The following WDR33 variants were observed in gnomAD, a reference collection of about 807,000 sequenced individuals.
WDR33 encodes WD repeat domain 33, also known as pre-mRNA 3' end processing protein WDR33.
WDR33 carries 47 observed loss-of-function variants against 164.9 expected under a neutral mutation model. The observed-to-expected ratio is 0.29, with a 90% confidence interval of 0.23 to 0.36. The LOEUF (loss-of-function observed/expected upper bound fraction) is 0.36, where lower values mean the gene tolerates loss of function less well. Ranked by LOEUF, WDR33 falls within the 10% of genes least tolerant of loss-of-function variation. The pLI, the probability that WDR33 is intolerant of heterozygous loss-of-function variation, is 1.00. For missense variants in WDR33, 1,137 were observed against 1,754.1 expected, an observed-to-expected ratio of 0.65 and a Z score of 6.28; for synonymous variants, 505 against 589.0, an observed-to-expected ratio of 0.86 and a Z score of 2.06.
rs559829894 is a variant in WDR33 at position 127,713,026 on chromosome 2, G to C, written c.3308+557C>G. On this transcript the variant is annotated intron_variant, in intron 18 of 21. Coordinates refer to ENST00000322313, the MANE Select transcript of WDR33 (RefSeq NM_018383.5). This position sits in a 1 kb window ranked among gnomAD's most constrained non-coding sequence, Gnocchi z 6.2. ...CCTGCCTCAGCCACCCAAAGTGCTG[G>C]GATTACAGGCGTGAGCCACTGGTCC... 6.6e-6 allele frequency among the ~76,000 whole-genome samples: 1 copy of C among 152,286 alleles called. No homozygotes were observed. The highest frequency in any genetic ancestry group is 6.5e-5 in the Admixed American group (1 of 15,306).
rs1255565685 is a variant in WDR33, at chr2:127,714,788, C to T, written c.2870-767G>A. Among the ~76,000 whole-genome samples the T allele has an allele frequency of 6.6e-6, 1 of 152,154 alleles. No individual in the cohort carries two copies. The highest frequency in any genetic ancestry group is 1.5e-5 in the Non-Finnish European group (1 of 68,014). Reference sequence around the variant, plus strand: ...TGTGATGGTTAACTTAGTTCACCTCCTAACTTGGAAGGGACTGTTTTTCCA... The same window carrying T: ...TGTGATGGTTAACTTAGTTCACCTCTTAACTTGGAAGGGACTGTTTTTCCA... On this transcript the variant is annotated intron_variant, in intron 17 of 21. Coordinates refer to ENST00000322313, the MANE Select transcript of WDR33 (RefSeq NM_018383.5). This position sits in a 1 kb window ranked among gnomAD's most constrained non-coding sequence, Gnocchi z 4.3.
chr2:127,781,282 A>G (rs1014563405), intron 1 of WDR33, among the ~76,000 whole-genome samples: 1 of 152,220 alleles, frequency 6.6e-6, no homozygotes, highest in African/African-American at 2.4e-5. Flanking sequence ...TTAAAATGCC[A>G]AAACAATAGA....
chr2:127,763,106 C>G lies in WDR33; in HGVS notation c.680G>C (p.Arg227Thr). The change falls in exon 7 of 22, where the codon AGA becomes ACA. Residue 227 changes from arginine to threonine, a missense_variant. Transcript: ENST00000322313. The surrounding 1 kb of genome is among the most constrained non-coding windows in gnomAD (Gnocchi z 4.5). ...ATGGCAACGAAGAAAGTCCCAGATT[C>G]TAACAGTGCCGTCATCAGAGCATGT... is the stretch of plus-strand genomic sequence containing the variant. Reference protein sequence around the residue: ...FATCSDDGTVRIWDFLRCHEE... With the variant: ...FATCSDDGTVTIWDFLRCHEE... 6.2e-7 allele frequency: 1 copy of G among 1,614,060 alleles called. No individual in the cohort carries two copies. Among genetic ancestry groups the G allele is most frequent in the Non-Finnish European group, 8.5e-7 (1 of 1,179,950 alleles).
At chr2:127,771,189 A>C (rs1374621568) in intron 1 of WDR33, among the ~76,000 whole-genome samples, 185 bp from the exon 2 acceptor site, 2 of 152,192 alleles carry the variant, frequency 1.3e-5, no homozygotes, top group Non-Finnish European at 2.9e-5. Context: ...ATGCATCCTT[A>C]GGCAATTTCA....
rs750860750 is a variant in WDR33, at chr2:127,722,027, T to G, written c.1519-39A>C. 1.9e-6 allele frequency: 3 copies of G among 1,596,454 alleles called. No homozygotes were observed. In the South Asian group the frequency reaches 3.4e-5, roughly 18 times the overall value. ...AGAATATTAAAATGTACGCTAAGTATGAAAATTACAATGATAGAATGAGAA... is the reference window on the plus strand; with the variant it reads ...AGAATATTAAAATGTACGCTAAGTAGGAAAATTACAATGATAGAATGAGAA... On this transcript the variant is annotated intron_variant, in intron 14 of 21. Coordinates refer to ENST00000322313, the MANE Select transcript of WDR33 (RefSeq NM_018383.5). The surrounding 1 kb of genome is among the most constrained non-coding windows in gnomAD (Gnocchi z 5.1).
At chr2:127,777,422 TA>T (rs1195063825) in intron 1 of WDR33, among the ~76,000 whole-genome samples, 1 of 152,236 alleles carries the variant, frequency 6.6e-6, no homozygotes, top group Non-Finnish European at 1.5e-5. Flanking sequence ...TCCTTAGCCT[TA>T]GGCTTTCAAC....
intron 1 of WDR33, among the ~76,000 whole-genome samples, chr2:127,785,350 T>C (rs1265015421): frequency 6.6e-6 from 1 of 152,228 alleles, no homozygotes. Context: ...TACACATACG[T>C]ATGTATTAGC....
intron 1 of WDR33, among the ~76,000 whole-genome samples, chr2:127,784,689 G>GT (rs979114058): frequency 5.6e-4 from 85 of 152,268 alleles, no homozygotes; most frequent in African/African-American, 1.9e-3. Context: ...CCTTGAAATT[G>GT]TATCAACAAG....
intron 7 of WDR33, among the ~76,000 whole-genome samples, chr2:127,759,872 C>T (rs1687626200): frequency 6.6e-6 from 1 of 152,058 alleles, no homozygotes; most frequent in Admixed American, 6.6e-5. Context: ...GAGAGCCTGA[C>T]TCTATTTTTT....
intron 1 of WDR33, among the ~76,000 whole-genome samples, chr2:127,782,431 AAAG>A (rs1426818951): frequency 1.3e-5 from 2 of 152,112 alleles, no homozygotes; most frequent in Admixed American, 6.6e-5. Flanking sequence ...TTGATCTCAA[AAAG>A]AAGATCAATT....
intron 1 of WDR33, among the ~76,000 whole-genome samples, chr2:127,805,068 CTTTTTTTTTT>C (rs201681607): frequency 4.7e-4 from 40 of 84,418 alleles, no homozygotes; most frequent in African/African-American, 1.5e-3. Flanking sequence ...GAAGTTTTTT[CTTTTTTTTTT>C]TTTTTTTTTT....
Position 127,726,682 on chromosome 2 carries a change from C to A in WDR33, c.820G>T (p.Asp274Tyr). The change falls in exon 8 of 22, where the codon GAT becomes TAT. Residue 274 changes from aspartate to tyrosine, a missense_variant. Asp to Tyr is a radical substitution (Grantham distance 160, BLOSUM62 -3). Transcript: ENST00000322313. The surrounding 1 kb of genome is among the most constrained non-coding windows in gnomAD (Gnocchi z 4.8). ...GCAAGACTCTGCCCAGTCTTGGGAT[C>A]CCAGAACTTGATTGGCTGTTGACTA... is the stretch of plus-strand genomic sequence containing the variant. ...KDSQQPIKFW[D>Y]PKTGQSLATL... The A allele has an allele frequency of 6.2e-7, 1 of 1,614,168 alleles. No individual in the cohort carries two copies. The highest frequency in any genetic ancestry group is 8.5e-7 in the Non-Finnish European group (1 of 1,180,030).
In WDR33 at chr2:127,725,171, T is replaced by C. The variant is rs759861095; in HGVS notation, c.896A>G (p.Asn299Ser). 6.2e-7 allele frequency: 1 copy of C among 1,613,224 alleles called. No individual in the cohort carries two copies. Among genetic ancestry groups the C allele is most frequent in the Non-Finnish European group, 8.5e-7 (1 of 1,179,840 alleles). The change falls in exon 9 of 22, where the codon AAT becomes AGT. Residue 299 changes from asparagine to serine, a missense_variant. Physicochemically the swap from Asn to Ser is conservative, Grantham distance 46. Transcript: ENST00000322313. ...TGATGCTGTGAGTAGCCAATTGCCA[T>C]TGAGGTTTAATTTCACTTCCATTAC... Reference protein sequence around the residue: ...NTVMEVKLNLNGNWLLTASRD... With the variant: ...NTVMEVKLNLSGNWLLTASRD...
chr2:127,727,439 C>T (rs1686598218), intron 7 of WDR33, among the ~76,000 whole-genome samples: 1 of 151,972 alleles, frequency 6.6e-6, no homozygotes, highest in African/African-American at 2.4e-5. Flanking sequence ...TTCACAAAAT[C>T]CTGAGGAAAG....
At chr2:127,769,061 T>A in intron 2 of WDR33, 60 bp from the exon 3 acceptor site, 1 of 1,000,002 alleles carries the variant, frequency 1.0e-6, no homozygotes, top group Non-Finnish European at 1.3e-6. Flanking sequence ...GACTATATGG[T>A]CTGATTATAC....
At position 127,723,138 on chromosome 2, in the gene WDR33, T is replaced by G; in HGVS notation, c.1292-94A>C. The G allele has an allele frequency of 7.0e-7, 1 of 1,426,542 alleles. No homozygotes were observed. Among genetic ancestry groups the G allele is most frequent in the Non-Finnish European group, 9.6e-7 (1 of 1,044,754 alleles). The allele number at this position is 1,426,542 out of a possible 1,614,324, so 88.4% of individuals were successfully genotyped here. ...TATAAAAATGAATGTCACTGATGAT[T>G]TATAAATAAATCTACTATAAAATTA... On this transcript the variant is annotated intron_variant, in intron 12 of 21. Transcript: ENST00000322313. The surrounding 1 kb of genome is among the most constrained non-coding windows in gnomAD (Gnocchi z 5.9).
chr2:127,715,457 T>G (rs1212121904), intron 17 of WDR33, among the ~76,000 whole-genome samples: 2 of 152,192 alleles, frequency 1.3e-5, no homozygotes, highest in African/African-American at 2.4e-5. Flanking sequence ...TATAAAATGC[T>G]TGGAAATCTC....
chr2:127,768,285 TG>T lies in WDR33; in HGVS notation c.281del (p.Pro94HisfsTer3). The T allele has an allele frequency of 6.5e-7, 1 of 1,548,954 alleles. No individual in the cohort carries two copies. Among genetic ancestry groups the T allele is most frequent in the Non-Finnish European group, 8.7e-7 (1 of 1,144,332 alleles). On this transcript the variant is annotated frameshift_variant, in exon 4 of 22. Coordinates refer to ENST00000322313, the MANE Select transcript of WDR33 (RefSeq NM_018383.5). LOFTEE classifies it high-confidence loss of function. ...TAGGATTATTCAACATTCCTATAGG[TG>T]GGACCAGCTACAAAAAAGGAAAATT... ...PDAGYYNDLV[P>X]PIGMLNNPMN...
intron 7 of WDR33, among the ~76,000 whole-genome samples, chr2:127,750,043 G>A (rs1029372763): frequency 3.3e-5 from 5 of 151,072 alleles, no homozygotes; most frequent in Non-Finnish European, 5.9e-5. Context: ...GGGGAGGGAG[G>A]GACAGGGTCT....
Sources: gnomAD v4.1 joint callset for allele counts (sites outside exome capture counted in the v4.1 genomes callset) on GRCh38, gnomAD v4.1.1 for gene constraint, Gnocchi (gnomAD v3.1) non-coding constraint, MANE v1.5 for transcripts, NCBI Gene and HGNC (gene_info 2026-07-23, HGNC 2026-07-21) for gene names.